The following USP48 variants were observed in gnomAD, a reference collection of about 807,000 sequenced individuals.
The protein encoded by USP48 is ubiquitin specific peptidase 48.
Under a neutral mutation model 150.7 loss-of-function variants are expected in USP48, and 43 were observed. The observed-to-expected ratio is 0.29, with a 90% CI of 0.22 to 0.37. The LOEUF (loss-of-function observed/expected upper bound fraction) is 0.37, where lower values mean the gene tolerates loss of function less well. Among genes scored for constraint, USP48 ranks in the 10% least tolerant of loss-of-function variants. The pLI, the probability that USP48 is intolerant of heterozygous loss-of-function variation, is 1.00. For synonymous variants in USP48, 396 were observed against 425.9 expected (o/e 0.93, Z 0.86); for missense variants, 813 against 1,249.6 (o/e 0.65, Z 5.27).
chr1:21,701,628 A>T, intron 21 of USP48, 26 bp from the exon 22 acceptor site: 1 of 1,607,182 alleles, frequency 6.2e-7, no homozygotes, highest in Non-Finnish European at 8.5e-7. Context: ...CAACAAAGAG[A>T]AGTAGGTCAG....
chr1:21,779,545 C>CAA (rs1160288022), intron 1 of USP48, among the ~76,000 whole-genome samples: 1 of 146,806 alleles, frequency 6.8e-6, no homozygotes, highest in South Asian at 2.1e-4. Context: ...GACTCCGTCT[C>CAA]AAAAAAAAAA....
At chr1:21,692,880 G>A (rs1006035973) in intron 23 of USP48, among the ~76,000 whole-genome samples, 1 of 152,174 alleles carries the variant, frequency 6.6e-6, no homozygotes. Context: ...AAGGCAGGGA[G>A]GCCTACGGTA....
intron 22 of USP48, among the ~76,000 whole-genome samples, chr1:21,699,674 C>A (rs1279889114): frequency 6.6e-6 from 1 of 151,726 alleles, no homozygotes; most frequent in South Asian, 2.1e-4. Context: ...CCACCACGCC[C>A]GGCTAATTTT....
intron 12 of USP48, among the ~76,000 whole-genome samples, chr1:21,723,294 T>G (rs1381751304): frequency 6.6e-6 from 1 of 151,722 alleles, no homozygotes; most frequent in Non-Finnish European, 1.5e-5. Flanking sequence ...CGAGGTTGAG[T>G]GGATCACTTG....
chr1:21,723,840 A>T, intron 12 of USP48, 58 bp downstream of exon 12: 1 of 1,470,828 alleles, frequency 6.8e-7, no homozygotes, highest in Non-Finnish European at 9.4e-7. Context: ...CATAAAGACC[A>T]TAAGATGAAG....
chr1:21,769,047 TC>T (rs1436899692), intron 1 of USP48, among the ~76,000 whole-genome samples: 1 of 152,178 alleles, frequency 6.6e-6, no homozygotes, highest in African/African-American at 2.4e-5. Flanking sequence ...CATGTATGTC[TC>T]CCTTTTGCTT....
In USP48 at chr1:21,679,064, G is replaced by A. The variant is rs1159922915; in HGVS notation, c.*353C>T. ...GACCAACGCATCTGGTATGAAACTC[G>A]AGCAAGGAAATATAACAGAACTTTA... On this transcript the variant is annotated 3_prime_UTR_variant, in exon 27 of 27. Coordinates refer to ENST00000308271, the MANE Select transcript of USP48 (RefSeq NM_032236.8). 2 of 357,828 alleles carry A rather than the reference G, an allele frequency of 5.6e-6. No homozygotes were observed. Among genetic ancestry groups the A allele is most frequent in the East Asian group, 1.4e-4 (2 of 14,060 alleles). 22.2% of individuals were successfully genotyped at this position (357,828 alleles called of 1,614,324 possible).
At chr1:21,770,585 G>A (rs1212410249) in intron 1 of USP48, among the ~76,000 whole-genome samples, 5 of 150,042 alleles carry the variant, frequency 3.3e-5, no homozygotes, top group African/African-American at 4.9e-5. Context: ...AGGTTCAAGC[G>A]ATTCTCCTGC....
chr1:21,779,902 G>GA, intron 1 of USP48, among the ~76,000 whole-genome samples: 1 of 152,224 alleles, frequency 6.6e-6, no homozygotes, highest in East Asian at 1.9e-4. Context: ...GGCCTAACCA[G>GA]AAAAACAGAA....
chr1:21,741,295 G>GACAAA (rs1278728799), intron 8 of USP48, among the ~76,000 whole-genome samples: 2 of 152,260 alleles, frequency 1.3e-5, no homozygotes, highest in South Asian at 4.1e-4. Context: ...CTTAAAATTA[G>GACAAA]ACAAAACAAA....
chr1:21,775,080 T>A (rs956320391), intron 1 of USP48, among the ~76,000 whole-genome samples: 1 of 151,962 alleles, frequency 6.6e-6, no homozygotes, highest in Non-Finnish European at 1.5e-5. Context: ...CAACAAAGTA[T>A]GTATTGTGAC....
chr1:21,679,216 C>T lies in USP48; in HGVS notation c.*201G>A. 11 of 319,504 alleles carry T rather than the reference C, an allele frequency of 3.4e-5. No individual in the cohort carries two copies. The highest frequency in any genetic ancestry group is 9.3e-5 in the Admixed American group (2 of 21,534). 19.8% of individuals were successfully genotyped at this position (319,504 alleles called of 1,614,324 possible). A position where few individuals can be genotyped will look rare whatever the true frequency, so the allele number is the denominator to read the frequency against. ...CTTAAATATAAAATTGGAAACATTT[C>T]CTTCAAGTCTGATGTCCATCAGTGC... On this transcript the variant is annotated 3_prime_UTR_variant, in exon 27 of 27. Transcript: ENST00000308271.
At chr1:21,765,693 C>T (rs1212247387) in intron 1 of USP48, among the ~76,000 whole-genome samples, 2 of 151,172 alleles carry the variant, frequency 1.3e-5, no homozygotes, top group African/African-American at 4.9e-5. Flanking sequence ...TGAGACATAA[C>T]TAACAATTTT....
chr1:21,762,989 A>C (rs1369035838), intron 1 of USP48, among the ~76,000 whole-genome samples: 2 of 152,098 alleles, frequency 1.3e-5, no homozygotes, highest in Non-Finnish European at 2.9e-5. Flanking sequence ...TTTAGTCTCC[A>C]GTTCCTGATA....
rs1197509355 is a variant in USP48, at chr1:21,679,240, G to A, written c.*177C>T. 2 of 579,570 alleles carry A rather than the reference G, an allele frequency of 3.5e-6. No individual in the cohort carries two copies. Among genetic ancestry groups the A allele is most frequent in the Non-Finnish European group, 6.1e-6 (2 of 326,660 alleles). 35.9% of individuals were successfully genotyped at this position (579,570 alleles called of 1,614,324 possible). A position where few individuals can be genotyped will look rare whatever the true frequency, so the allele number is the denominator to read the frequency against. ...TCCTTCAAGTCTGATGTCCATCAGT[G>A]CAATCTGCTTTATTTGACATAAGGC... On this transcript the variant is annotated 3_prime_UTR_variant, in exon 27 of 27. Transcript: ENST00000308271.
chr1:21,775,960 A>G (rs1045948989), intron 1 of USP48, among the ~76,000 whole-genome samples: 4 of 152,218 alleles, frequency 2.6e-5, no homozygotes, highest in African/African-American at 7.2e-5. Flanking sequence ...TATTAAACAT[A>G]TGAAACCCTT....
intron 11 of USP48, chr1:21,728,270 TAAAC>T (rs2097745311): frequency 2.8e-6 from 3 of 1,089,414 alleles, no homozygotes; most frequent in Middle Eastern, 4.0e-4. Flanking sequence ...GGATTTTTCT[TAAAC>T]AAGTTAATAT....
intron 15 of USP48, among the ~76,000 whole-genome samples, chr1:21,713,535 A>G (rs1440952488): frequency 6.6e-6 from 1 of 152,234 alleles, no homozygotes; most frequent in Non-Finnish European, 1.5e-5. Context: ...GGGAAGGCAG[A>G]GCAAAGGTCA....
chr1:21,715,125 A>G, intron 15 of USP48: 1 of 366,600 alleles, frequency 2.7e-6, no homozygotes, highest in East Asian at 6.2e-5. Context: ...GAAACATACG[A>G]GCACTATTCT....
Sources: allele counts gnomAD v4.1 joint callset (sites outside exome capture counted in the v4.1 genomes callset), GRCh38; gene constraint gnomAD v4.1.1; transcripts MANE v1.5; gene names NCBI Gene and HGNC (gene_info 2026-07-23, HGNC 2026-07-21).